The following LRRK2 variants were observed in gnomAD, a reference collection of about 807,000 sequenced individuals.
LRRK2 encodes leucine-rich repeat serine/threonine-protein kinase 2.
LRRK2 carries 203 observed loss-of-function variants against 302.6 expected under a neutral mutation model. The ratio of observed to expected loss-of-function variants is 0.67; its 90% CI spans 0.60 to 0.75. The LOEUF (loss-of-function observed/expected upper bound fraction) is 0.75. Among genes scored for constraint, LRRK2 ranks in the 30% least tolerant of loss-of-function variants. The pLI, the probability that LRRK2 is intolerant of heterozygous loss-of-function variation, is 0.00. For synonymous variants in LRRK2, 1,066 were observed against 1,031.9 expected (o/e 1.03, Z -0.63); for missense variants, 2,830 against 2,951.0 (o/e 0.96, Z 0.95).
At chr12:40,358,164 TC>T (rs1346403867) in intron 46 of LRRK2, among the ~76,000 whole-genome samples, 1 of 152,152 alleles carries the variant, frequency 6.6e-6, no homozygotes, top group East Asian at 1.9e-4. Context: ...TGCAAATATT[TC>T]CTCACATTTA....
At chr12:40,289,497 A>T (rs1944060083) in intron 20 of LRRK2, among the ~76,000 whole-genome samples, 1 of 149,558 alleles carries the variant, frequency 6.7e-6, no homozygotes. Flanking sequence ...AAATTAAATC[A>T]TATTACCTAT....
chr12:40,312,311 A>G (rs567444596), intron 31 of LRRK2, among the ~76,000 whole-genome samples: 43 of 152,270 alleles, frequency 2.8e-4, no homozygotes, highest in Non-Finnish European at 5.4e-4. Context: ...AAAAGTATAT[A>G]TTGCTAATGG....
At chr12:40,308,817 A>G (rs1367201201) in intron 29 of LRRK2, 121 bp downstream of exon 29, 2 of 1,001,588 alleles carry the variant, frequency 2.0e-6, no homozygotes, top group East Asian at 2.6e-5. Context: ...ATTATTCCAA[A>G]GCCCTTCATT....
chr12:40,320,145 TAGG>T lies in LRRK2; in HGVS notation c.4988_4990del (p.Gly1663del). ...GAAAAATTCCAGATTGCTTTGCCAA[TAGG>T]AGAAGAATATTTGCTGGTTCCAAGC... On this transcript the variant is annotated inframe_deletion, in exon 34 of 51. Transcript: ENST00000298910. 1 of 1,612,130 alleles carries T rather than the reference TAGG, an allele frequency of 6.2e-7. No homozygotes were observed. Among genetic ancestry groups the T allele is most frequent in the South Asian group, 1.1e-5 (1 of 90,944 alleles).
At chr12:40,293,361 T>C (rs546142852) in intron 20 of LRRK2, among the ~76,000 whole-genome samples, 184 bp from the exon 21 acceptor site, 1 of 152,014 alleles carries the variant, frequency 6.6e-6, no homozygotes, top group Non-Finnish European at 1.5e-5. Context: ...GTTGAATTTT[T>C]AAAGTGAAAA....
intron 45 of LRRK2, 102 bp from the exon 46 acceptor site, chr12:40,356,013 G>A (rs1292762349): frequency 1.4e-6 from 1 of 716,104 alleles, no homozygotes. Context: ...ATTTATAGTT[G>A]AGAAGTCTAT....
intron 14 of LRRK2, among the ~76,000 whole-genome samples, chr12:40,264,172 A>G (rs1342042234): frequency 6.6e-6 from 1 of 152,232 alleles, no homozygotes; most frequent in Non-Finnish European, 1.5e-5. Flanking sequence ...TTGCTCAACC[A>G]GAAAGAGAAC....
intron 13 of LRRK2, among the ~76,000 whole-genome samples, chr12:40,263,024 T>A (rs1264536617): frequency 6.6e-6 from 1 of 152,238 alleles, no homozygotes; most frequent in Non-Finnish European, 1.5e-5. Context: ...GGAATTCAGA[T>A]GCTTCTTAAA....
chr12:40,333,556 G>A (rs1290316141), intron 39 of LRRK2, among the ~76,000 whole-genome samples: 1 of 152,120 alleles, frequency 6.6e-6, no homozygotes, highest in East Asian at 1.9e-4. Flanking sequence ...CATGATGTGG[G>A]CCACAGAGAG....
chr12:40,301,820 C>T (rs886464471), intron 25 of LRRK2, among the ~76,000 whole-genome samples: 2 of 152,152 alleles, frequency 1.3e-5, no homozygotes, highest in African/African-American at 4.8e-5. Context: ...TTTTCTGTTT[C>T]CCAAATTGTG....
At chr12:40,254,907 T>C (rs1331489965) in intron 11 of LRRK2, among the ~76,000 whole-genome samples, 1 of 152,178 alleles carries the variant, frequency 6.6e-6, no homozygotes, top group Middle Eastern at 3.2e-3. Flanking sequence ...TCAACTTTCT[T>C]GGGCAATTTC....
In LRRK2 at chr12:40,348,471, T is replaced by C; in HGVS notation, c.6343T>C (p.Leu2115=). 1 of 1,613,012 alleles carries C rather than the reference T, an allele frequency of 6.2e-7. No homozygotes were observed. The change falls in exon 43 of 51, where the codon TTG becomes CTG. Residue 2115 remains leucine (L), a synonymous_variant. Transcript: ENST00000298910. The part of the protein sequence containing the change: ...PMVEKLIKQC[L]KENPQERPTS... Reference sequence around the variant, plus strand: ...GGTTGAGAAATTAATTAAACAGTGTTTGAAAGAAAATCCTCAAGAAAGGCC... The same window carrying C: ...GGTTGAGAAATTAATTAAACAGTGTCTGAAAGAAAATCCTCAAGAAAGGCC...
chr12:40,308,765 G>A, intron 29 of LRRK2, 69 bp downstream of exon 29: 3 of 1,408,098 alleles, frequency 2.1e-6, no homozygotes, highest in Middle Eastern at 1.8e-4. Context: ...CAAAAACTGA[G>A]CTTTCTGTTC....
At chr12:40,292,934 A>G (rs1355152227) in intron 20 of LRRK2, among the ~76,000 whole-genome samples, 1 of 152,068 alleles carries the variant, frequency 6.6e-6, no homozygotes, top group African/African-American at 2.4e-5. Context: ...ATACCATTCC[A>G]TAAAAGAAAC....
chr12:40,304,383 A>G, intron 27 of LRRK2: 1 of 569,200 alleles, frequency 1.8e-6, no homozygotes, highest in Non-Finnish European at 3.1e-6. Flanking sequence ...TACTTTTAAA[A>G]ATAAGGTAGT....
chr12:40,320,093 T>G lies in LRRK2; in HGVS notation c.4933T>G (p.Tyr1645Asp). The G allele has an allele frequency of 1.2e-6, 2 of 1,611,858 alleles. No individual in the cohort carries two copies. The highest frequency in any genetic ancestry group is 1.7e-6 in the Non-Finnish European group (2 of 1,178,762). Reference sequence around the variant, plus strand: ...AAAAAAAAGGAAATTTCCAAAGAACTACATGTCACAGTATTTTAAGCTCCT... The same window carrying G: ...AAAAAAAAGGAAATTTCCAAAGAACGACATGTCACAGTATTTTAAGCTCCT... ...LSKKRKFPKNYMSQYFKLLEK... is the reference protein window; with the variant it reads ...LSKKRKFPKNDMSQYFKLLEK... The change falls in exon 34 of 51, where the codon TAC (tyrosine) becomes GAC (aspartate). Residue 1645 changes from tyrosine (Y) to aspartate (D), a missense_variant. Coordinates refer to ENST00000298910, the MANE Select transcript of LRRK2 (RefSeq NM_198578.4).
rs997103416 is a variant in LRRK2, at chr12:40,304,296, T to C, written c.3777+162T>C. 24 of 683,126 alleles carry C rather than the reference T, an allele frequency of 3.5e-5. No individual in the cohort carries two copies. The African/African-American group carries it at 4.0e-4, about 11-fold the overall frequency. 42.3% of individuals were successfully genotyped at this position (683,126 alleles called of 1,614,324 possible). A position where few individuals can be genotyped will look rare whatever the true frequency, so the allele number is the denominator to read the frequency against. ...ACTATAAATCCAGATTTCCATTAAA[T>C]TTAAAAATAAGAACAGCTACTAATG... On this transcript the variant is annotated intron_variant, in intron 27 of 50. Transcript: ENST00000298910.
chr12:40,262,526 G>A, intron 13 of LRRK2, among the ~76,000 whole-genome samples: 1 of 152,070 alleles, frequency 6.6e-6, no homozygotes, highest in East Asian at 1.9e-4. Flanking sequence ...ACTATGTCTA[G>A]AATCCTTAAG....
At chr12:40,235,307 A>G (rs1276722914) in intron 3 of LRRK2, among the ~76,000 whole-genome samples, 2 of 152,174 alleles carry the variant, frequency 1.3e-5, no homozygotes, top group East Asian at 3.8e-4. Flanking sequence ...TGTCTCTCCA[A>G]AAAAGAATGA....
Sources: gnomAD v4.1 joint callset for allele counts (sites outside exome capture counted in the v4.1 genomes callset) on GRCh38, gnomAD v4.1.1 for gene constraint, MANE v1.5 for transcripts, NCBI Gene and HGNC (gene_info 2026-07-23, HGNC 2026-07-21) for gene names.